Variants in EXPH5 observed in about 807,000 individuals in gnomAD.
EXPH5 encodes the protein exophilin-5.
A neutral mutation model predicts 41.1 loss-of-function variants in EXPH5; 42 were observed. That is an observed-to-expected ratio of 1.02 (90% CI 0.80 to 1.32). The LOEUF (loss-of-function observed/expected upper bound fraction) is 1.32. EXPH5 is among the 40% of genes most tolerant of loss of function. EXPH5 has a pLI of 0.00. For missense variants in EXPH5, 2,298 were observed against 2,314.5 expected, an observed-to-expected ratio of 0.99 and a Z score of 0.15; for synonymous variants, 798 against 833.5, an observed-to-expected ratio of 0.96 and a Z score of 0.73.
the EXPH5 span, among the ~76,000 whole-genome samples, chr11:108,599,694 C>T: frequency 6.6e-6 from 1 of 152,184 alleles, no homozygotes; most frequent in South Asian, 2.1e-4. Context: ...CATGTGGTTG[C>T]CTTTCTGTTT....
chr11:108,578,861 A>G (rs1401354643), intron 1 of EXPH5, among the ~76,000 whole-genome samples: 2 of 152,248 alleles, frequency 1.3e-5, no homozygotes, highest in Non-Finnish European at 2.9e-5. Flanking sequence ...TGTATCCTGC[A>G]ACTTGACTGA....
chr11:108,539,127 G>T lies in EXPH5; in HGVS notation c.340C>A (p.Pro114Thr), dbSNP rs141592774. Residue 114 changes from proline (P) to threonine (T), a missense_variant, in exon 3 of 6, where the codon CCT becomes ACT. Pro to Thr is a conservative substitution (Grantham distance 38). Transcript: ENST00000265843. ...KNVTNQKKPT[P>T]FSSRMSFRSS... is the part of the protein sequence containing the mutation. Reference sequence around the variant, plus strand: ...CTGAAGCTCATCCGGGAAGAAAAAGGTGTCGGCTTTTTTTGATTAGTTACA... The same window carrying T: ...CTGAAGCTCATCCGGGAAGAAAAAGTTGTCGGCTTTTTTTGATTAGTTACA... 7 of 1,610,846 alleles carry T rather than the reference G, an allele frequency of 4.3e-6. No individual in the cohort carries two copies. In the South Asian group the frequency reaches 7.7e-5, roughly 18 times the overall value.
chr11:108,573,329 T>A lies in EXPH5; in HGVS notation c.119+20089A>T, dbSNP rs548664011. Among the ~76,000 whole-genome samples, 8 of 152,254 alleles carry A rather than the reference T, an allele frequency of 5.3e-5. No homozygotes were observed. The South Asian group carries it at 1.2e-3, about 24-fold the overall frequency. On this transcript the variant is annotated intron_variant, in intron 1 of 5. Coordinates refer to ENST00000265843, the MANE Select transcript of EXPH5 (RefSeq NM_015065.3). ...GACCAGCAAAACAACCAGATCTAAATGACAATCAGTCCACTTGATGGAGAC... is the reference window on the plus strand; with the variant it reads ...GACCAGCAAAACAACCAGATCTAAAAGACAATCAGTCCACTTGATGGAGAC...
chr11:108,571,189 CAT>C (rs1310950928), intron 1 of EXPH5, among the ~76,000 whole-genome samples: 3 of 152,168 alleles, frequency 2.0e-5, no homozygotes, highest in Non-Finnish European at 4.4e-5. Flanking sequence ...GTGTGTTACT[CAT>C]AAACCTTTTA....
intron 1 of EXPH5, 65 bp downstream of exon 1, chr11:108,593,353 C>T (rs2094132988): frequency 6.9e-7 from 1 of 1,441,736 alleles, no homozygotes. Context: ...TCAGCGCCTT[C>T]CCCGCGGATC....
At chr11:108,567,807 A>G (rs960124014) in intron 1 of EXPH5, 1 of 152,188 alleles carries the variant, frequency 6.6e-6, no homozygotes. Context: ...TCTTATTCTC[A>G]GCCTTGCTGT....
At position 108,593,586 on chromosome 11, in the gene EXPH5, A is replaced by G. The variant is rs1419943107; in HGVS notation, c.-50T>C. The G allele has an allele frequency of 1.9e-6, 3 of 1,613,266 alleles. No individual in the cohort carries two copies. Among genetic ancestry groups the G allele is most frequent in the Non-Finnish European group, 2.5e-6 (3 of 1,179,650 alleles). On this transcript the variant is annotated 5_prime_UTR_variant, in exon 1 of 6. It removes the in-frame stop codon of an upstream open reading frame in the 5' UTR. Coordinates refer to ENST00000265843, the MANE Select transcript of EXPH5 (RefSeq NM_015065.3). ...CTTAAGCTCCTTGGCGCCTCCTGTTAGGAAGGCATTTTTCAACCTGTACAA... is the reference window on the plus strand; with the variant it reads ...CTTAAGCTCCTTGGCGCCTCCTGTTGGGAAGGCATTTTTCAACCTGTACAA...
chr11:108,566,213 T>C (rs1042671219), intron 1 of EXPH5, among the ~76,000 whole-genome samples: 2 of 152,210 alleles, frequency 1.3e-5, no homozygotes, highest in African/African-American at 4.8e-5. Flanking sequence ...AAGACAGGCC[T>C]TAAAAGACAA....
chr11:108,593,354 C>T (rs532620277), intron 1 of EXPH5, 64 bp downstream of exon 1: 2 of 1,459,808 alleles, frequency 1.4e-6, no homozygotes, highest in African/African-American at 2.8e-5. Flanking sequence ...CAGCGCCTTC[C>T]CCGCGGATCC....
At position 108,511,727 on chromosome 11, in the gene EXPH5, G is replaced by A. The variant is rs970069010; in HGVS notation, c.3780C>T (p.Pro1260=). The A allele has an allele frequency of 2.5e-6, 4 of 1,607,674 alleles. No homozygotes were observed. The African/African-American group carries it at 5.4e-5, about 22-fold the overall frequency. Residue 1260 remains proline (P), a synonymous_variant, in exon 6 of 6, where the codon CCC becomes CCT. Transcript: ENST00000265843. ...VSIYYTLPRK[P]SKKFCNLLQQ... ...GAAGGAGGTTACAGAATTTTTTGCT[G>A]GGTTTCCTCGGTAGAGTGTAATATA...
chr11:108,585,024 A>G lies in EXPH5; in HGVS notation c.119+8394T>C, dbSNP rs956601253. Among the ~76,000 whole-genome samples, 8 of 152,174 alleles carry G rather than the reference A, an allele frequency of 5.3e-5. No homozygotes were observed. In the East Asian group the frequency reaches 1.5e-3, roughly 29 times the overall value. ...TGTTCAACAGGAGACTTGTATCTGG[A>G]ATATATAAAGAATTCTCAAAATTCA... On this transcript the variant is annotated intron_variant, in intron 1 of 5. Coordinates refer to ENST00000265843, the MANE Select transcript of EXPH5 (RefSeq NM_015065.3).
intron 1 of EXPH5, among the ~76,000 whole-genome samples, chr11:108,552,849 A>G (rs1305554663): frequency 6.6e-6 from 1 of 152,156 alleles, no homozygotes; most frequent in Non-Finnish European, 1.5e-5. Context: ...TCAGGAGGTC[A>G]AGGCTGCAGT....
chr11:108,574,297 G>T (rs1283861941), intron 1 of EXPH5, among the ~76,000 whole-genome samples: 1 of 151,636 alleles, frequency 6.6e-6, no homozygotes, highest in Non-Finnish European at 1.5e-5. Context: ...GAGATCACTT[G>T]AGTCTAGGAG....
rs571016269 is a variant in EXPH5, at chr11:108,570,738, G to T, written c.119+22680C>A. ...TTTAAATTATTCTGCAGAGATGGGGGTCTCGCTACGTTGTTCAGGCTGGTC... is the reference window on the plus strand; with the variant it reads ...TTTAAATTATTCTGCAGAGATGGGGTTCTCGCTACGTTGTTCAGGCTGGTC... On this transcript the variant is annotated intron_variant, in intron 1 of 5. Coordinates refer to ENST00000265843, the MANE Select transcript of EXPH5 (RefSeq NM_015065.3). Among the ~76,000 whole-genome samples the T allele has an allele frequency of 9.9e-5, 15 of 152,240 alleles. No individual in the cohort carries two copies. The East Asian group carries it at 2.7e-3, about 27-fold the overall frequency.
At chr11:108,520,896 A>C (rs2135958154) in intron 4 of EXPH5, among the ~76,000 whole-genome samples, 1 of 152,320 alleles carries the variant, frequency 6.6e-6, no homozygotes, top group Non-Finnish European at 1.5e-5. Context: ...TTACTAACAA[A>C]TGTTTATCTT....
Position 108,511,083 on chromosome 11 carries a change from C to G in EXPH5, c.4424G>C (p.Gly1475Ala). ...KDHTSTAVGDGSSGSQPREGR... is the reference protein window; with the variant it reads ...KDHTSTAVGDASSGSQPREGR... Reference sequence around the variant, plus strand: ...TTCCCTAGGCTGTGATCCACTGGAGCCATCACCTACAGCTGTGGATGTGTG... The same window carrying G: ...TTCCCTAGGCTGTGATCCACTGGAGGCATCACCTACAGCTGTGGATGTGTG... The change falls in exon 6 of 6, where the codon GGC becomes GCC. Residue 1475 changes from glycine (G) to alanine (A), a missense_variant. By Grantham distance (60) the Gly-to-Ala change is moderately conservative (BLOSUM62 0). Coordinates refer to ENST00000265843, the MANE Select transcript of EXPH5 (RefSeq NM_015065.3). 3 of 1,614,114 alleles carry G rather than the reference C, an allele frequency of 1.9e-6. No homozygotes were observed. The highest frequency in any genetic ancestry group is 2.5e-6 in the Non-Finnish European group (3 of 1,179,982).
upstream of EXPH5, among the ~76,000 whole-genome samples, chr11:108,595,541 A>G (rs527438418): frequency 4.7e-4 from 71 of 152,354 alleles, no homozygotes; most frequent in Non-Finnish European, 7.8e-4. Flanking sequence ...TGGAAGCTAG[A>G]AAACACTGGA....
At chr11:108,605,870 C>T in the EXPH5 span, among the ~76,000 whole-genome samples, 6 of 152,228 alleles carry the variant, frequency 3.9e-5, no homozygotes, top group African/African-American at 1.2e-4. Context: ...GGCAGGATTG[C>T]AGCAGCCTCT....
intron 4 of EXPH5, among the ~76,000 whole-genome samples, chr11:108,526,079 T>C (rs1281774106): frequency 6.6e-6 from 1 of 151,848 alleles, no homozygotes; most frequent in African/African-American, 2.4e-5. Flanking sequence ...CACACCTGTC[T>C]AATTAAAAAA....
Sources: allele counts gnomAD v4.1 joint callset (sites outside exome capture counted in the v4.1 genomes callset), GRCh38; gene constraint gnomAD v4.1.1; transcripts MANE v1.5; gene names NCBI Gene and HGNC (gene_info 2026-07-23, HGNC 2026-07-21).